The following EP300 variants were observed in gnomAD, a reference collection of about 807,000 sequenced individuals.
EP300 encodes the protein EP300 lysine acetyltransferase.
A neutral mutation model predicts 264.0 loss-of-function variants in EP300; 31 were observed. That is an observed-to-expected ratio of 0.12 (90% confidence interval 0.09 to 0.16). EP300 has a LOEUF of 0.16. Ranked by LOEUF, EP300 falls within the 10% of genes least tolerant of loss-of-function variation. EP300 has a pLI of 1.00. For synonymous variants in EP300, 1,340 were observed against 1,045.4 expected (o/e 1.28, Z -5.44); for missense variants, 2,766 against 3,052.9 (o/e 0.91, Z 2.21).
At chr22:41,136,917 G>A (rs532979893) in intron 7 of EP300, among the ~76,000 whole-genome samples, 6 of 152,076 alleles carry the variant, frequency 3.9e-5, no homozygotes, top group Admixed American at 1.3e-4. Context: ...AAAATTAGCC[G>A]GGCATGGTGG....
At chr22:41,170,818 C>T (rs1047211304) in intron 27 of EP300, among the ~76,000 whole-genome samples, 2 of 151,724 alleles carry the variant, frequency 1.3e-5, no homozygotes, top group Admixed American at 6.6e-5. Context: ...CCTGCCATCA[C>T]ACCCGGCTAA....
At chr22:41,154,426 G>A (rs781026465) in intron 16 of EP300, among the ~76,000 whole-genome samples, 13 of 119,412 alleles carry the variant, frequency 1.1e-4, no homozygotes, top group Non-Finnish European at 1.8e-4. Flanking sequence ...CTGTTGCCTA[G>A]GCTGGAGTGC....
At chr22:41,166,999 ATTTT>A (rs1306570989) in intron 23 of EP300, among the ~76,000 whole-genome samples, 4 of 151,970 alleles carry the variant, frequency 2.6e-5, no homozygotes, top group Non-Finnish European at 5.9e-5. Context: ...TTTATTTATT[ATTTT>A]TTATTTTATT....
intron 6 of EP300, among the ~76,000 whole-genome samples, chr22:41,134,672 C>T (rs1013100398): frequency 6.6e-6 from 1 of 152,016 alleles, no homozygotes; most frequent in Non-Finnish European, 1.5e-5. Flanking sequence ...TTGTGTTTTT[C>T]GTTACTTCCA....
chr22:41,179,153 A>G lies in EP300; in HGVS notation c.*197A>G, dbSNP rs1483193261. On this transcript the variant is annotated 3_prime_UTR_variant, in exon 31 of 31. Transcript: ENST00000263253. ...TGAGGGATGATAGAATACAAAGAATATATTTTTGTTATGGCTGGTTACCAC... is the reference window on the plus strand; with the variant it reads ...TGAGGGATGATAGAATACAAAGAATGTATTTTTGTTATGGCTGGTTACCAC... 5 of 643,442 alleles carry G rather than the reference A, an allele frequency of 7.8e-6. No homozygotes were observed. The South Asian group carries it at 8.0e-5, about 10-fold the overall frequency. 39.9% of individuals were successfully genotyped at this position (643,442 alleles called of 1,614,324 possible). A position where few individuals can be genotyped will look rare whatever the true frequency, so the allele number is the denominator to read the frequency against.
chr22:41,116,634 T>C (rs980186869), intron 1 of EP300, among the ~76,000 whole-genome samples: 1 of 152,188 alleles, frequency 6.6e-6, no homozygotes, highest in Non-Finnish European at 1.5e-5. Context: ...GTACTTTCAA[T>C]CCCTTTTTTC....
At chr22:41,143,451 TTAAA>T (rs1310554197) in intron 10 of EP300, among the ~76,000 whole-genome samples, 5 of 152,234 alleles carry the variant, frequency 3.3e-5, no homozygotes, top group African/African-American at 1.2e-4. Flanking sequence ...GATCCTGTCT[TTAAA>T]TAAATAAATA....
intron 27 of EP300, among the ~76,000 whole-genome samples, chr22:41,171,578 C>G (rs189099731): frequency 1.3e-5 from 2 of 152,078 alleles, no homozygotes; most frequent in African/African-American, 4.8e-5. Flanking sequence ...CTCAAGTGAT[C>G]TGCCCACCTC....
intron 1 of EP300, among the ~76,000 whole-genome samples, chr22:41,116,146 A>T (rs1455192155): frequency 6.6e-6 from 1 of 152,022 alleles, no homozygotes; most frequent in Non-Finnish European, 1.5e-5. Flanking sequence ...TGGGTGTTGC[A>T]CTTTTTTTTT....
rs2059200805 is a variant in EP300 at position 41,176,406 on chromosome 22, G to T, written c.4939G>T (p.Ala1647Ser). ...CCTGGAGTTCTCTTCACTCCGAAGAGCCCAGTGGTCCACCATGTGCATGCT... is the reference window on the plus strand; with the variant it reads ...CCTGGAGTTCTCTTCACTCCGAAGATCCCAGTGGTCCACCATGTGCATGCT... ...KHLEFSSLRR[A>S]QWSTMCMLVE... is the part of the protein sequence containing the mutation. The change falls in exon 30 of 31, where the codon GCC (alanine) becomes TCC (serine). Residue 1647 changes from alanine (A) to serine (S), a missense_variant. Coordinates refer to ENST00000263253, the MANE Select transcript of EP300 (RefSeq NM_001429.4). 3.1e-6 allele frequency: 5 copies of T among 1,614,242 alleles called. No homozygotes were observed. The highest frequency in any genetic ancestry group is 4.2e-6 in the Non-Finnish European group (5 of 1,180,044).
rs747985335 is a variant in EP300 at position 41,147,894 on chromosome 22, C to G, written c.2189C>G (p.Thr730Ser). Residue 730 changes from threonine (T) to serine (S), a missense_variant, in exon 12 of 31, where the codon ACC becomes AGC. Physicochemically the swap from Thr to Ser is moderately conservative, Grantham distance 58. Coordinates refer to ENST00000263253, the MANE Select transcript of EP300 (RefSeq NM_001429.4). ...MAQPPIVPRQ[T>S]PPLQHHGQLA... ...CAGCCCCCTATTGTACCCCGGCAAA[C>G]CCCTCCTCTTCAGCACCATGGACAG... 3.1e-6 allele frequency: 5 copies of G among 1,614,048 alleles called. 1 individual carries two copies. Among genetic ancestry groups the G allele is most frequent in the East Asian group, 4.5e-5 (2 of 44,886 alleles).
At chr22:41,138,698 A>G (rs907210070) in intron 8 of EP300, among the ~76,000 whole-genome samples, 3 of 152,216 alleles carry the variant, frequency 2.0e-5, no homozygotes, top group East Asian at 1.9e-4. Context: ...GACCTTGCCA[A>G]TTACAGAGTT....
Position 41,093,033 on chromosome 22 carries a change from C to T in EP300, c.29C>T (p.Pro10Leu), listed in dbSNP as rs764405219. The change falls in exon 1 of 31, where the codon CCG becomes CTG. Residue 10 changes from proline to leucine, a missense_variant. Pro to Leu is a moderately conservative substitution (Grantham distance 98). Coordinates refer to ENST00000263253, the MANE Select transcript of EP300 (RefSeq NM_001429.4). ...GCCGAGAATGTGGTGGAACCGGGGC[C>T]GCCTTCAGCCAAGCGGCCTAAACTC... MAENVVEPG[P>L]PSAKRPKLSS... 6.2e-7 allele frequency: 1 copy of T among 1,614,176 alleles called. No homozygotes were observed.
At chr22:41,129,051 C>T (rs527953157) in intron 4 of EP300, among the ~76,000 whole-genome samples, 1 of 152,134 alleles carries the variant, frequency 6.6e-6, no homozygotes, top group South Asian at 2.1e-4. Flanking sequence ...CGCTCTGTCG[C>T]CCAGGCTGGA....
rs909392417 is a variant in EP300, at chr22:41,172,726, A to C, written c.4617+63A>C. The C allele has an allele frequency of 4.6e-6, 7 of 1,538,366 alleles. No individual in the cohort carries two copies. The East Asian group carries it at 1.7e-4, about 37-fold the overall frequency. On this transcript the variant is annotated intron_variant, in intron 28 of 30. Transcript: ENST00000263253. ...ATTCTAATATTTAATCCAGAAGTGC[A>C]CTTAAACTTTCAATTGGGTTTTAAA...
intron 1 of EP300, among the ~76,000 whole-genome samples, chr22:41,104,947 G>A (rs1049771016): frequency 1.3e-5 from 2 of 151,972 alleles, no homozygotes; most frequent in East Asian, 2.0e-4. Context: ...GGCAGATCAC[G>A]AGGTCAGGAG....
chr22:41,150,859 C>G (rs1304623012), intron 14 of EP300, among the ~76,000 whole-genome samples: 1 of 150,458 alleles, frequency 6.6e-6, no homozygotes, highest in Non-Finnish European at 1.5e-5. Flanking sequence ...CCACTGCACT[C>G]TAGCCTAGGC....
chr22:41,112,036 C>T (rs774467981), intron 1 of EP300, among the ~76,000 whole-genome samples: 42 of 150,508 alleles, frequency 2.8e-4, no homozygotes, highest in African/African-American at 4.4e-4. Flanking sequence ...TACAGGCATC[C>T]GCCACCGCGC....
At chr22:41,112,245 A>G (rs1275035446) in intron 1 of EP300, among the ~76,000 whole-genome samples, 2 of 151,242 alleles carry the variant, frequency 1.3e-5, no homozygotes, top group South Asian at 2.1e-4. Context: ...CCTGGAGTGC[A>G]GTGGCACTGT....
Sources: allele counts gnomAD v4.1 joint callset (sites outside exome capture counted in the v4.1 genomes callset), GRCh38; gene constraint gnomAD v4.1.1; transcripts MANE v1.5; gene names NCBI Gene and HGNC (gene_info 2026-07-23, HGNC 2026-07-21).